GLIS3: variants seen among roughly 807,000 people sequenced by gnomAD.
GLIS3 encodes the protein GLIS family zinc finger 3.
In GLIS3, 53 loss-of-function variants were observed where a neutral mutation model predicts 78.6. The ratio of observed to expected loss-of-function variants is 0.67; its 90% confidence interval spans 0.54 to 0.85. The LOEUF (loss-of-function observed/expected upper bound fraction) is 0.85. Among genes scored for constraint, GLIS3 ranks in the 40% least tolerant of loss-of-function variants. GLIS3 has a pLI of 0.00. For synonymous variants in GLIS3, 684 were observed against 509.9 expected, an observed-to-expected ratio of 1.34 and a Z score of -4.60; for missense variants, 1,703 against 1,231.1, an observed-to-expected ratio of 1.38 and a Z score of -5.74.
chr9:4,322,873 C>G (rs1052781735), intron 2 of GLIS3, among the ~76,000 whole-genome samples: 6 of 152,190 alleles, frequency 3.9e-5, no homozygotes, highest in Non-Finnish European at 8.8e-5. Flanking sequence ...CCTGTTCACT[C>G]TGATGGTAGT....
chr9:4,294,191 G>T (rs1045086509), intron 1 of GLIS3, among the ~76,000 whole-genome samples: 4 of 152,252 alleles, frequency 2.6e-5, no homozygotes, highest in African/African-American at 7.2e-5. Flanking sequence ...GGATAATGAT[G>T]CTACTGTGCA....
At chr9:4,268,033 A>T (rs1019453519) in intron 2 of GLIS3, among the ~76,000 whole-genome samples, 1 of 152,068 alleles carries the variant, frequency 6.6e-6, no homozygotes, top group Admixed American at 6.6e-5. Context: ...ATATATGTGC[A>T]TACACACGTG....
At chr9:4,483,164 C>A in the GLIS3 span, among the ~76,000 whole-genome samples, 2 of 151,960 alleles carry the variant, frequency 1.3e-5, no homozygotes, top group East Asian at 3.9e-4. Flanking sequence ...CACTAGACAT[C>A]CCCCCAAAGT....
rs965169162 is a variant in GLIS3 at position 3,826,569 on chromosome 9, T to C, written c.*1703A>G. On this transcript the variant is annotated 3_prime_UTR_variant, in exon 11 of 11. Transcript: ENST00000381971. ...ACTCAGAGAAACTAGATTGACCAAG[T>C]GCACTGTGAAAACAAAACCCACACT... 6.6e-6 allele frequency: 1 copy of C among 152,210 alleles called. No individual in the cohort carries two copies. Among genetic ancestry groups the C allele is most frequent in the Non-Finnish European group, 1.5e-5 (1 of 68,026 alleles). The allele number at this position is 152,210 out of a possible 1,614,324, so 9.4% of individuals were successfully genotyped here. A position where few individuals can be genotyped will look rare whatever the true frequency, so the allele number is the denominator to read the frequency against.
chr9:4,161,402 TA>T (rs1415862846), intron 2 of GLIS3, among the ~76,000 whole-genome samples: 2 of 152,128 alleles, frequency 1.3e-5, no homozygotes, highest in Non-Finnish European at 2.9e-5. Context: ...ACAATAAGAA[TA>T]AAAAGAATGT....
upstream of GLIS3, among the ~76,000 whole-genome samples, chr9:4,348,650 C>G (rs1817925418): frequency 1.3e-5 from 2 of 152,054 alleles, no homozygotes; most frequent in South Asian, 2.1e-4. Flanking sequence ...TTTGAGGACT[C>G]AACTACCTGA....
intron 4 of GLIS3, among the ~76,000 whole-genome samples, chr9:3,965,258 A>C (rs1287225434): frequency 1.6e-5 from 2 of 127,658 alleles, no homozygotes; most frequent in Non-Finnish European, 3.1e-5. Context: ...CAGTGGCGTG[A>C]TCTCGGCTCA....
chr9:3,947,988 A>G (rs1816414171), intron 4 of GLIS3, among the ~76,000 whole-genome samples: 1 of 152,208 alleles, frequency 6.6e-6, no homozygotes, highest in South Asian at 2.1e-4. Context: ...GAGATATGAA[A>G]ATAATGGAAC....
chr9:3,967,677 T>G (rs1366626021), intron 4 of GLIS3, among the ~76,000 whole-genome samples: 1 of 152,156 alleles, frequency 6.6e-6, no homozygotes, highest in Non-Finnish European at 1.5e-5. Flanking sequence ...GAAGAATGTG[T>G]TACAGTTACA....
chr9:3,875,501 T>A (rs1412691697), intron 8 of GLIS3: 3 of 152,196 alleles, frequency 2.0e-5, no homozygotes, highest in African/African-American at 4.8e-5. Context: ...AGATGCCAGT[T>A]TCCCACTAAA....
At position 3,825,144 on chromosome 9, in the gene GLIS3, G is replaced by C. The variant is rs2129879237; in HGVS notation, c.*3128C>G. ...TCCTTGCTCAAAATTGGTTTTAGGG[G>C]CTACTGTGCTTGACGGCTGGTAATT... On this transcript the variant is annotated 3_prime_UTR_variant, in exon 11 of 11. Transcript: ENST00000381971. 6.6e-6 allele frequency: 1 copy of C among 152,272 alleles called. No homozygotes were observed. Among genetic ancestry groups the C allele is most frequent in the Non-Finnish European group, 1.5e-5 (1 of 68,020 alleles). 9.4% of individuals were successfully genotyped at this position (152,272 alleles called of 1,614,324 possible).
the GLIS3 span, among the ~76,000 whole-genome samples, chr9:4,468,708 C>T: frequency 6.6e-6 from 1 of 152,176 alleles, no homozygotes; most frequent in Admixed American, 6.5e-5. Flanking sequence ...ACCACTAATG[C>T]TAGGAAGAAA....
chr9:4,265,171 C>CAAA (rs748851157), intron 2 of GLIS3, among the ~76,000 whole-genome samples: 6 of 84,298 alleles, frequency 7.1e-5, no homozygotes, highest in East Asian at 3.0e-4. Flanking sequence ...GACGCCGTCT[C>CAAA]AAAAAAAAAA....
At chr9:4,275,088 A>G (rs1028962330) in intron 2 of GLIS3, among the ~76,000 whole-genome samples, 6 of 152,222 alleles carry the variant, frequency 3.9e-5, no homozygotes, top group African/African-American at 1.4e-4. Flanking sequence ...TCACATTCAT[A>G]GTATCTGCCT....
intron 2 of GLIS3, among the ~76,000 whole-genome samples, chr9:4,321,465 C>CAAAAAAAAAAAAAAAA (rs1817527878): frequency 3.7e-5 from 2 of 53,514 alleles, no homozygotes; most frequent in African/African-American, 9.0e-5. Flanking sequence ...AAAAAAAAAT[C>CAAAAAAAAAAAAAAAA]AGGTGCCTAG....
rs561642733 is a variant in GLIS3, at chr9:3,932,965, G to A, written c.1873-495C>T. 6.9e-4 allele frequency: 194 copies of A among 281,620 alleles called. No individual in the cohort carries two copies. In the South Asian group the frequency reaches 7.0e-3, roughly 10 times the overall value. The allele number at this position is 281,620 out of a possible 1,614,324, so 17.4% of individuals were successfully genotyped here. On this transcript the variant is annotated intron_variant, in intron 5 of 10. Coordinates refer to ENST00000381971, the MANE Select transcript of GLIS3 (RefSeq NM_001042413.2). Reference sequence around the variant, plus strand: ...AGAGAATTAAGAAGAGAAAATTAGTGTAAAGTGAGTAAGAGACAGTAGGTT... The same window carrying A: ...AGAGAATTAAGAAGAGAAAATTAGTATAAAGTGAGTAAGAGACAGTAGGTT...
intron 2 of GLIS3, among the ~76,000 whole-genome samples, chr9:4,186,038 C>T (rs1322823480): frequency 6.6e-6 from 1 of 151,736 alleles, no homozygotes; most frequent in East Asian, 1.9e-4. Flanking sequence ...TTTTAGGGTA[C>T]ATGTGCACAA....
At chr9:4,214,416 C>T (rs923156625) in intron 2 of GLIS3, among the ~76,000 whole-genome samples, 1 of 152,172 alleles carries the variant, frequency 6.6e-6, no homozygotes, top group Non-Finnish European at 1.5e-5. Context: ...CAATCAATAT[C>T]TCCATCGGCA....
chr9:4,267,683 T>G (rs371470865), intron 2 of GLIS3, among the ~76,000 whole-genome samples: 1 of 152,156 alleles, frequency 6.6e-6, no homozygotes, highest in Non-Finnish European at 1.5e-5. Flanking sequence ...GTGACCAGGA[T>G]CCTCACAAAT....
Sources: allele counts gnomAD v4.1 joint callset (sites outside exome capture counted in the v4.1 genomes callset), GRCh38; gene constraint gnomAD v4.1.1; transcripts MANE v1.5; gene names NCBI Gene and HGNC (gene_info 2026-07-23, HGNC 2026-07-21).